LRRC37A2: variants seen among roughly 807,000 people sequenced by gnomAD.
The protein encoded by LRRC37A2 is leucine rich repeat containing 37 member A2.
A neutral mutation model predicts 68.8 loss-of-function variants in LRRC37A2; 9 were observed. The observed-to-expected ratio is 0.13, with a 90% CI of 0.08 to 0.23. LRRC37A2 has a LOEUF of 0.23. Ranked by LOEUF, LRRC37A2 falls within the 10% of genes least tolerant of loss-of-function variation. The probability of loss-of-function intolerance (pLI) is 1.00; values close to 1 mark genes in which losing one functional copy is unlikely to be tolerated. For synonymous variants in LRRC37A2, 63 were observed against 367.6 expected, an observed-to-expected ratio of 0.17 and a Z score of 9.48; for missense variants, 168 against 950.4, an observed-to-expected ratio of 0.18 and a Z score of 10.82.
At chr17:46,762,903 T>A in the LRRC37A2 span, 2 of 152,190 alleles carry the variant, frequency 1.3e-5, no homozygotes, top group African/African-American at 2.4e-5. Flanking sequence ...GTTTTGAAAA[T>A]TCGTATCCAT....
At chr17:46,811,752 C>T in the LRRC37A2 span, among the ~76,000 whole-genome samples, 2 of 152,072 alleles carry the variant, frequency 1.3e-5, no homozygotes, top group South Asian at 2.1e-4. Flanking sequence ...GTCGGGAGTT[C>T]GAGACCAGCC....
the LRRC37A2 span, chr17:46,874,880 G>A: frequency 2.9e-6 from 2 of 700,980 alleles, no homozygotes; most frequent in East Asian, 5.4e-5. Flanking sequence ...GCCCAGCCTG[G>A]AAGTTCCATT....
At chr17:46,493,804 T>C in the LRRC37A2 span, among the ~76,000 whole-genome samples, 2 of 150,858 alleles carry the variant, frequency 1.3e-5, no homozygotes, top group Non-Finnish European at 2.9e-5. Context: ...CCCAAAGTGC[T>C]GGGATTACAG....
intron 8 of LRRC37A2, among the ~76,000 whole-genome samples, chr17:46,541,342 CCCAGGTTCAAGTGGTTCTCCTG>C (rs1250260420): frequency 1.3e-5 from 2 of 149,546 alleles, no homozygotes; most frequent in Non-Finnish European, 2.9e-5. Flanking sequence ...ACCTCCACCT[CCCAGGTTCAAGTGGTTCTCCTG>C]CCTCAGCCTT....
At chr17:46,811,309 T>A in the LRRC37A2 span, among the ~76,000 whole-genome samples, 2 of 152,108 alleles carry the variant, frequency 1.3e-5, no homozygotes, top group African/African-American at 4.8e-5. Context: ...TGATGTCAAC[T>A]CAGCAGGTAT....
chr17:46,961,657 TTA>T, the LRRC37A2 span, among the ~76,000 whole-genome samples: 1 of 152,188 alleles, frequency 6.6e-6, no homozygotes, highest in Non-Finnish European at 1.5e-5. Context: ...TGTAAAAAGA[TTA>T]TATTTTTTAA....
At chr17:47,042,771 GAAAGA>G in the LRRC37A2 span, among the ~76,000 whole-genome samples, 1 of 38,386 alleles carries the variant, frequency 2.6e-5, no homozygotes, top group African/African-American at 6.6e-5. Context: ...GAAAGGAAAG[GAAAGA>G]AAATAGAAAG....
chr17:46,947,851 C>G, the LRRC37A2 span, among the ~76,000 whole-genome samples: 1 of 152,232 alleles, frequency 6.6e-6, no homozygotes, highest in Non-Finnish European at 1.5e-5. Flanking sequence ...TCACCGTAAC[C>G]TCCGCCTCCC....
chr17:47,024,542 G>A, the LRRC37A2 span: 2 of 707,998 alleles, frequency 2.8e-6, no homozygotes, highest in African/African-American at 1.8e-5. Context: ...GTAAGAAAAG[G>A]TTTGAATGAA....
the LRRC37A2 span, among the ~76,000 whole-genome samples, chr17:47,038,433 T>C: frequency 6.6e-6 from 1 of 151,908 alleles, no homozygotes; most frequent in African/African-American, 2.4e-5. Flanking sequence ...CTGGGCAACA[T>C]AGTGAGACCC....
At chr17:46,746,192 T>C in the LRRC37A2 span, among the ~76,000 whole-genome samples, 6 of 152,354 alleles carry the variant, frequency 3.9e-5, no homozygotes, top group South Asian at 1.2e-3. Flanking sequence ...ATTTGATTTT[T>C]TCCTAGTTGA....
At chr17:47,007,159 A>G in the LRRC37A2 span, among the ~76,000 whole-genome samples, 5 of 151,824 alleles carry the variant, frequency 3.3e-5, no homozygotes, top group African/African-American at 1.2e-4. Context: ...AGCAAATCTG[A>G]TTTTCTTTCT....
At chr17:46,897,200 A>G in the LRRC37A2 span, among the ~76,000 whole-genome samples, 3 of 152,218 alleles carry the variant, frequency 2.0e-5, no homozygotes, top group Non-Finnish European at 4.4e-5. Context: ...GCTGCGGCCA[A>G]TGCCTACAGG....
At chr17:46,792,700 C>G in the LRRC37A2 span, among the ~76,000 whole-genome samples, 1 of 152,164 alleles carries the variant, frequency 6.6e-6, no homozygotes, top group Non-Finnish European at 1.5e-5. Flanking sequence ...CCTCGAACTA[C>G]TGACCACGTG....
chr17:46,942,542 G>T, the LRRC37A2 span, among the ~76,000 whole-genome samples: 1 of 152,212 alleles, frequency 6.6e-6, no homozygotes, highest in Non-Finnish European at 1.5e-5. Flanking sequence ...TGAGAGGTGT[G>T]CAGGGGACTG....
the LRRC37A2 span, among the ~76,000 whole-genome samples, chr17:46,943,999 G>A: frequency 6.6e-5 from 10 of 152,174 alleles, no homozygotes; most frequent in Non-Finnish European, 1.5e-5. Context: ...GCTGACTCCT[G>A]GCTTAGCAAT....
chr17:47,006,941 C>T, the LRRC37A2 span, among the ~76,000 whole-genome samples: 1 of 152,158 alleles, frequency 6.6e-6, no homozygotes, highest in African/African-American at 2.4e-5. Context: ...GTACCATTTC[C>T]GAATAGTGCT....
At chr17:46,903,497 G>C in the LRRC37A2 span, among the ~76,000 whole-genome samples, 5 of 152,092 alleles carry the variant, frequency 3.3e-5, no homozygotes, top group South Asian at 1.0e-3. Flanking sequence ...CCCTACCTCT[G>C]GCCTTCTTAT....
chr17:46,961,455 A>G, the LRRC37A2 span, among the ~76,000 whole-genome samples: 4 of 152,286 alleles, frequency 2.6e-5, no homozygotes, highest in South Asian at 4.2e-4. Flanking sequence ...GGATTGCTTA[A>G]GCTCAGGAGT....
Sources: allele counts gnomAD v4.1 joint callset (sites outside exome capture counted in the v4.1 genomes callset), GRCh38; gene constraint gnomAD v4.1.1; transcripts MANE v1.5; gene names NCBI Gene and HGNC (gene_info 2026-07-23, HGNC 2026-07-21).